The following AGPAT4 variants were observed in gnomAD, a reference collection of about 807,000 sequenced individuals.
AGPAT4 encodes the protein 1-acyl-sn-glycerol-3-phosphate acyltransferase delta.
In AGPAT4, 15 loss-of-function variants were observed where a neutral mutation model predicts 48.0. The observed-to-expected ratio is 0.31, with a 90% CI of 0.21 to 0.48. AGPAT4 has a LOEUF of 0.48. AGPAT4 is among the 20% of genes least tolerant of loss of function. AGPAT4 has a pLI of 0.99. For missense variants in AGPAT4, 314 were observed against 482.5 expected, an observed-to-expected ratio of 0.65 and a Z score of 3.27; for synonymous variants, 178 against 198.7, an observed-to-expected ratio of 0.90 and a Z score of 0.88.
At position 161,272,732 on chromosome 6, in the gene AGPAT4, A is replaced by AC. The variant is rs59532839; in HGVS notation, c.-90+1205_-90+1206insG. On this transcript the variant is annotated intron_variant, in intron 1 of 8. Coordinates refer to ENST00000320285, the MANE Select transcript of AGPAT4 (RefSeq NM_020133.3). The surrounding 1 kb of genome is among the most constrained non-coding windows in gnomAD (Gnocchi z 4.2). Reference sequence around the variant, plus strand: ...CACACACACACACACACACACACACAAACACACACATTCTCCCTTCTCTCA... The same window carrying AC: ...CACACACACACACACACACACACACACAACACACACATTCTCCCTTCTCTCA... 5.9e-5 allele frequency among the ~76,000 whole-genome samples: 9 copies of AC among 151,728 alleles called. No homozygotes were observed. Among genetic ancestry groups the AC allele is most frequent in the African/African-American group, 1.7e-4 (7 of 41,292 alleles).
At chr6:161,205,054 G>C (rs745996753) in intron 2 of AGPAT4, among the ~76,000 whole-genome samples, 3 of 152,154 alleles carry the variant, frequency 2.0e-5, no homozygotes, top group Non-Finnish European at 4.4e-5. Flanking sequence ...TCTGAGTGTC[G>C]ATCTGCAGGC....
At position 161,149,434 on chromosome 6, in the gene AGPAT4, T is replaced by A; in HGVS notation, c.665-145A>T. On this transcript the variant is annotated intron_variant, in intron 5 of 8. Coordinates refer to ENST00000320285, the MANE Select transcript of AGPAT4 (RefSeq NM_020133.3). The surrounding 1 kb of genome is among the most constrained non-coding windows in gnomAD (Gnocchi z 6.5). ...GTCAGATTTCTTTCTTTCTATATGG[T>A]CCACATGTTCTACACTGAATGTGTA... is the stretch of plus-strand genomic sequence containing the variant. 1 of 636,752 alleles carries A rather than the reference T, an allele frequency of 1.6e-6. No homozygotes were observed. The highest frequency in any genetic ancestry group is 2.6e-6 in the Non-Finnish European group (1 of 391,348). The allele number at this position is 636,752 out of a possible 1,614,324, so 39.4% of individuals were successfully genotyped here. A position where few individuals can be genotyped will look rare whatever the true frequency, so the allele number is the denominator to read the frequency against.
chr6:161,166,549 G>T lies in AGPAT4; in HGVS notation c.179-132C>A. ...ACGGGCAAAGTTCTGGATCGTTGCA[G>T]CACAGACCTTGGTCCTTGAAAGGGT... On this transcript the variant is annotated intron_variant, in intron 2 of 8. Transcript: ENST00000320285. The surrounding 1 kb of genome is among the most constrained non-coding windows in gnomAD (Gnocchi z 6.7). 2.0e-6 allele frequency: 2 copies of T among 1,016,836 alleles called. No homozygotes were observed. Among genetic ancestry groups the T allele is most frequent in the Non-Finnish European group, 2.8e-6 (2 of 715,930 alleles). 63.0% of individuals were successfully genotyped at this position (1,016,836 alleles called of 1,614,324 possible). A position where few individuals can be genotyped will look rare whatever the true frequency, so the allele number is the denominator to read the frequency against.
intron 2 of AGPAT4, among the ~76,000 whole-genome samples, chr6:161,227,845 G>A (rs1302261472): frequency 7.9e-5 from 12 of 151,896 alleles, no homozygotes; most frequent in East Asian, 1.9e-4. Flanking sequence ...CAAATACAGC[G>A]GCAAACACTC....
At position 161,139,014 on chromosome 6, in the gene AGPAT4, A is replaced by C. The variant is rs1380481900; in HGVS notation, c.1042+408T>G. On this transcript the variant is annotated intron_variant, in intron 8 of 8. Coordinates refer to ENST00000320285, the MANE Select transcript of AGPAT4 (RefSeq NM_020133.3). This position sits in a 1 kb window ranked among gnomAD's most constrained non-coding sequence, Gnocchi z 9.1. ...CAAAGGAGAAGCCACAGGCGCCCCC[A>C]GAGGAAGGCAGGGAGCTGCCCATCC... Among the ~76,000 whole-genome samples the C allele has an allele frequency of 6.6e-6, 1 of 152,208 alleles. No homozygotes were observed. Among genetic ancestry groups the C allele is most frequent in the East Asian group, 1.9e-4 (1 of 5,186 alleles).
intron 1 of AGPAT4, among the ~76,000 whole-genome samples, chr6:161,258,058 TGGAA>T (rs1782992184): frequency 6.6e-6 from 1 of 152,202 alleles, no homozygotes; most frequent in Non-Finnish European, 1.5e-5. Context: ...TTAAAACACT[TGGAA>T]GGAAAAAACT....
chr6:161,233,874 G>A lies in AGPAT4; in HGVS notation c.-89-1572C>T, dbSNP rs1023391573. ...TTTCACACATGTGATCTCATTTTAA[G>A]GCTCCTATGAATCCCACAAGACGAG... is the stretch of plus-strand genomic sequence containing the variant. On this transcript the variant is annotated intron_variant, in intron 1 of 8. Coordinates refer to ENST00000320285, the MANE Select transcript of AGPAT4 (RefSeq NM_020133.3). This position sits in a 1 kb window ranked among gnomAD's most constrained non-coding sequence, Gnocchi z 5.4. Among the ~76,000 whole-genome samples, 10 of 152,168 alleles carry A rather than the reference G, an allele frequency of 6.6e-5. No homozygotes were observed. Among genetic ancestry groups the A allele is most frequent in the Non-Finnish European group, 1.3e-4 (9 of 68,046 alleles).
At position 161,140,699 on chromosome 6, in the gene AGPAT4, C is replaced by G. The variant is rs1194470770; in HGVS notation, c.844-1079G>C. 6.6e-6 allele frequency among the ~76,000 whole-genome samples: 1 copy of G among 152,202 alleles called. No individual in the cohort carries two copies. Among genetic ancestry groups the G allele is most frequent in the Non-Finnish European group, 1.5e-5 (1 of 68,032 alleles). ...AACAAGGAGCTGTGGCACCAGGATGCCCGCTGGCCCGTCTAAGGGCAGGTC... is the reference window on the plus strand; with the variant it reads ...AACAAGGAGCTGTGGCACCAGGATGGCCGCTGGCCCGTCTAAGGGCAGGTC... On this transcript the variant is annotated intron_variant, in intron 7 of 8. Transcript: ENST00000320285. The surrounding 1 kb of genome is among the most constrained non-coding windows in gnomAD (Gnocchi z 6.5).
At chr6:161,163,419 T>C (rs976358325) in intron 3 of AGPAT4, among the ~76,000 whole-genome samples, 44 of 152,164 alleles carry the variant, frequency 2.9e-4, no homozygotes, top group African/African-American at 1.0e-3. Context: ...CTGAAGGTCA[T>C]TAAAGACAAA....
At chr6:161,205,324 G>A (rs1015906448) in intron 2 of AGPAT4, among the ~76,000 whole-genome samples, 1 of 152,114 alleles carries the variant, frequency 6.6e-6, no homozygotes, top group African/African-American at 2.4e-5. Flanking sequence ...CCAACCCAAA[G>A]AGGACACAGG....
rs1783033315 is a variant in AGPAT4 at position 161,259,222 on chromosome 6, T to C, written c.-90+14716A>G. 6.6e-6 allele frequency among the ~76,000 whole-genome samples: 1 copy of C among 152,172 alleles called. No individual in the cohort carries two copies. The highest frequency in any genetic ancestry group is 2.1e-4 in the South Asian group (1 of 4,828). ...TCGCTAACGTATCGATCACTTCCCA[T>C]ACTTATTTTTCTTATGATGAGAAAG... On this transcript the variant is annotated intron_variant, in intron 1 of 8. Coordinates refer to ENST00000320285, the MANE Select transcript of AGPAT4 (RefSeq NM_020133.3). This position sits in a 1 kb window ranked among gnomAD's most constrained non-coding sequence, Gnocchi z 4.9.
Position 161,138,680 on chromosome 6 carries a change from CTGTG to C in AGPAT4, c.1042+738_1042+741del, listed in dbSNP as rs986075085. On this transcript the variant is annotated intron_variant, in intron 8 of 8. Coordinates refer to ENST00000320285, the MANE Select transcript of AGPAT4 (RefSeq NM_020133.3). This position sits in a 1 kb window ranked among gnomAD's most constrained non-coding sequence, Gnocchi z 4.8. ...TCCATTTGGAAGAAGCACGTGATCT[CTGTG>C]TGCTTGGACAATGTGCCGTCTCTCC... is the stretch of plus-strand genomic sequence containing the variant. Among the ~76,000 whole-genome samples the C allele has an allele frequency of 6.6e-6, 1 of 152,152 alleles. No individual in the cohort carries two copies. Among genetic ancestry groups the C allele is most frequent in the African/African-American group, 2.4e-5 (1 of 41,426 alleles).
chr6:161,265,792 C>T (rs950634673), intron 1 of AGPAT4, among the ~76,000 whole-genome samples: 3 of 152,102 alleles, frequency 2.0e-5, no homozygotes, highest in East Asian at 3.9e-4. Flanking sequence ...CTCACTGCAC[C>T]GGGCTGCCTT....
In AGPAT4 at chr6:161,238,129, C is replaced by T. The variant is rs376544273; in HGVS notation, c.-89-5827G>A. ...AATGCAGCATAGTTGTTGGAGCTTC[C>T]GCTGTGGAGAGGGCACTGAGAGTCA... On this transcript the variant is annotated intron_variant, in intron 1 of 8. Coordinates refer to ENST00000320285, the MANE Select transcript of AGPAT4 (RefSeq NM_020133.3). The surrounding 1 kb of genome is among the most constrained non-coding windows in gnomAD (Gnocchi z 5.2). 0.011 allele frequency among the ~76,000 whole-genome samples: 1,715 copies of T among 152,062 alleles called. 35 individuals are homozygous for T. The highest frequency in any genetic ancestry group is 0.04 in the African/African-American group (1,646 of 41,448).
rs1301499122 is a variant in AGPAT4 at position 161,272,779 on chromosome 6, G to A, written c.-90+1159C>T. ...CTCAAGATACTTTTTTTCCAACTGA[G>A]AGTCGTTGACTAATCACAGATGAGT... On this transcript the variant is annotated intron_variant, in intron 1 of 8. Coordinates refer to ENST00000320285, the MANE Select transcript of AGPAT4 (RefSeq NM_020133.3). This position sits in a 1 kb window ranked among gnomAD's most constrained non-coding sequence, Gnocchi z 4.2. Among the ~76,000 whole-genome samples, 1 of 151,814 alleles carries A rather than the reference G, an allele frequency of 6.6e-6. No individual in the cohort carries two copies. Among genetic ancestry groups the A allele is most frequent in the Admixed American group, 6.6e-5 (1 of 15,234 alleles).
rs774794072 is a variant in AGPAT4, at chr6:161,139,614, A to G, written c.850T>C (p.Phe284Leu). 6.2e-7 allele frequency: 1 copy of G among 1,600,538 alleles called. No homozygotes were observed. The highest frequency in any genetic ancestry group is 8.5e-7 in the Non-Finnish European group (1 of 1,169,920). ...CCCGTCCTGTAGTACTCCTCCTGAA[A>G]GGCATCCTGGGGGACAGGAAAGAGG... Reference protein sequence around the residue: ...LHKLYQEKDAFQEEYYRTGTF... With the variant: ...LHKLYQEKDALQEEYYRTGTF... The change falls in exon 8 of 9, where the codon TTT (phenylalanine) becomes CTT (leucine). Residue 284 changes from phenylalanine to leucine, a missense_variant. Transcript: ENST00000320285. This position sits in a 1 kb window ranked among gnomAD's most constrained non-coding sequence, Gnocchi z 9.1.
chr6:161,240,221 T>TACACACACACAC lies in AGPAT4; in HGVS notation c.-89-7931_-89-7920dup, dbSNP rs58550351. ...CACTAACAGCAGATATCTTTGTGTA[T>TACACACACACAC]ACACACACACACACACACACACACA... On this transcript the variant is annotated intron_variant, in intron 1 of 8. Transcript: ENST00000320285. This position sits in a 1 kb window ranked among gnomAD's most constrained non-coding sequence, Gnocchi z 5.5. Among the ~76,000 whole-genome samples, 11 of 144,430 alleles carry TACACACACACAC rather than the reference T, an allele frequency of 7.6e-5. No homozygotes were observed. In the South Asian group the frequency reaches 1.9e-3, roughly 24 times the overall value. 94.8% of individuals were successfully genotyped at this position (144,430 alleles called of 152,430 possible). A position where few individuals can be genotyped will look rare whatever the true frequency, so the allele number is the denominator to read the frequency against.
intron 2 of AGPAT4, among the ~76,000 whole-genome samples, chr6:161,211,997 G>A (rs1050605502): frequency 2.0e-5 from 3 of 152,150 alleles, no homozygotes; most frequent in African/African-American, 7.2e-5. Flanking sequence ...GATTTTGAAA[G>A]ATAAAATAAG....
chr6:161,241,714 C>T (rs1046909828), intron 1 of AGPAT4, among the ~76,000 whole-genome samples: 16 of 152,224 alleles, frequency 1.1e-4, no homozygotes, highest in Non-Finnish European at 1.9e-4. Flanking sequence ...GCTTTAATTG[C>T]TATGAGATGA....
Sources: gnomAD v4.1 joint callset for allele counts (sites outside exome capture counted in the v4.1 genomes callset) on GRCh38, gnomAD v4.1.1 for gene constraint, Gnocchi (gnomAD v3.1) non-coding constraint, MANE v1.5 for transcripts, NCBI Gene and HGNC (gene_info 2026-07-23, HGNC 2026-07-21) for gene names.